The following C7 variants were observed in gnomAD, a reference collection of about 807,000 sequenced individuals.
C7 encodes the protein complement component C7.
In C7, 83 loss-of-function variants were observed where a neutral mutation model predicts 104.8. The observed-to-expected ratio is 0.79, with a 90% CI of 0.66 to 0.95. The LOEUF (loss-of-function observed/expected upper bound fraction) is 0.95. Ranked by LOEUF, C7 falls within the 40% of genes least tolerant of loss-of-function variation. The pLI is 0.00. For synonymous variants in C7, 415 were observed against 360.6 expected, an observed-to-expected ratio of 1.15 and a Z score of -1.71; for missense variants, 1,070 against 1,011.2, an observed-to-expected ratio of 1.06 and a Z score of -0.79.
rs754794455 is a variant in C7 at position 40,962,085 on chromosome 5, G to T, written c.1662G>T (p.Arg554Ser). The stretch of plus-strand genomic sequence containing the variant: ...TTAATTACATTTTTTTTCCTTCCAG[G>T]TTGCTTGAACCACATTGCTTTCCTT... ...QCEDEELEHL[R>S]LLEPHCFPLS... Residue 554 changes from arginine (R) to serine (S), a missense_variant and splice_region_variant, in exon 13 of 18, where the codon AGG becomes AGT. Physicochemically the swap from Arg to Ser is moderately radical, Grantham distance 110 (BLOSUM62 -1). Coordinates refer to ENST00000313164, the MANE Select transcript of C7 (RefSeq NM_000587.4). 6 of 1,504,694 alleles carry T rather than the reference G, an allele frequency of 4.0e-6. No homozygotes were observed. In the African/African-American group the frequency reaches 4.1e-5, roughly 10 times the overall value. The allele number at this position is 1,504,694 out of a possible 1,614,324, so 93.2% of individuals were successfully genotyped here.
chr5:40,937,639 T>G lies in C7; in HGVS notation c.516T>G (p.Asp172Glu), dbSNP rs753344161. Residue 172 changes from aspartate to glutamate, a missense_variant, in exon 6 of 18, where the codon GAT becomes GAG. Transcript: ENST00000313164. ...AATGTAGAAAGGTGTTTAGTGGGGA[T>G]GGAAAAGATTTCTACAGGCTGAGTG... is the stretch of plus-strand genomic sequence containing the variant. Reference protein sequence around the residue: ...GGQCRKVFSGDGKDFYRLSGN... With the variant: ...GGQCRKVFSGEGKDFYRLSGN... The G allele has an allele frequency of 6.2e-7, 1 of 1,610,402 alleles. No homozygotes were observed. Among genetic ancestry groups the G allele is most frequent in the Non-Finnish European group, 8.5e-7 (1 of 1,178,014 alleles).
intron 2 of C7, 104 bp downstream of exon 2, chr5:40,928,739 C>A: frequency 1.7e-6 from 1 of 602,294 alleles, no homozygotes; most frequent in Non-Finnish European, 2.9e-6. Context: ...GTGTATCCCT[C>A]CAACATATTT....
At chr5:40,951,614 G>C (rs1740172030) in intron 9 of C7, among the ~76,000 whole-genome samples, 1 of 152,164 alleles carries the variant, frequency 6.6e-6, no homozygotes, top group Non-Finnish European at 1.5e-5. Context: ...CATGAATCGA[G>C]AATAAACGTT....
At chr5:40,956,063 A>G (rs1414975463) in intron 10 of C7, among the ~76,000 whole-genome samples, 1 of 152,194 alleles carries the variant, frequency 6.6e-6, no homozygotes, top group East Asian at 1.9e-4. Context: ...AAAATCATTG[A>G]GCTATGCAAA....
At chr5:40,926,958 G>A (rs537448465) in intron 1 of C7, among the ~76,000 whole-genome samples, 2 of 152,118 alleles carry the variant, frequency 1.3e-5, no homozygotes, top group Admixed American at 1.3e-4. Context: ...TGGGCAAAAA[G>A]AACAAAGCTG....
intron 17 of C7, 127 bp downstream of exon 17, chr5:40,980,036 G>C (rs1422159594): frequency 5.2e-6 from 4 of 768,856 alleles, no homozygotes; most frequent in Non-Finnish European, 7.9e-6. Flanking sequence ...GACTCAGACT[G>C]ATTTGACATG....
intron 1 of C7, among the ~76,000 whole-genome samples, chr5:40,923,428 T>A (rs1161717781): frequency 6.6e-6 from 1 of 152,064 alleles, no homozygotes; most frequent in South Asian, 2.1e-4. Flanking sequence ...AGCAGACATG[T>A]CACATGGCAA....
At chr5:40,932,280 T>G (rs934334357) in intron 3 of C7, among the ~76,000 whole-genome samples, 2 of 152,198 alleles carry the variant, frequency 1.3e-5, no homozygotes, top group African/African-American at 4.8e-5. Flanking sequence ...TTTTTCCACT[T>G]TTTTATTGTT....
At chr5:40,915,659 G>T (rs1244714998) in intron 1 of C7, among the ~76,000 whole-genome samples, 1 of 152,120 alleles carries the variant, frequency 6.6e-6, no homozygotes, top group East Asian at 1.9e-4. Flanking sequence ...GTTGAAGTCA[G>T]AAAAGTATTC....
intron 1 of C7, among the ~76,000 whole-genome samples, chr5:40,915,442 A>T (rs1350157637): frequency 6.6e-6 from 1 of 152,198 alleles, no homozygotes; most frequent in Non-Finnish European, 1.5e-5. Flanking sequence ...TTTGAATATT[A>T]TAATAGATTG....
intron 1 of C7, among the ~76,000 whole-genome samples, chr5:40,923,494 C>CGTCA (rs1301435694): frequency 1.3e-5 from 2 of 152,102 alleles, no homozygotes; most frequent in African/African-American, 4.8e-5. Flanking sequence ...GCCTGTAATC[C>CGTCA]TGACACTTTG....
chr5:40,928,695 C>A, intron 2 of C7, 60 bp downstream of exon 2: 1 of 1,047,112 alleles, frequency 9.6e-7, no homozygotes, highest in Non-Finnish European at 1.4e-6. Context: ...TTTAGTAATT[C>A]TTTAGTCTAA....
intron 11 of C7, 66 bp downstream of exon 11, chr5:40,958,327 C>T: frequency 1.0e-6 from 1 of 955,202 alleles, no homozygotes; most frequent in East Asian, 2.6e-5. Flanking sequence ...TGTTTCTCTG[C>T]TCCTTGAGAT....
chr5:40,943,332 G>A (rs1389116369), intron 6 of C7, among the ~76,000 whole-genome samples: 1 of 152,138 alleles, frequency 6.6e-6, no homozygotes, highest in African/African-American at 2.4e-5. Flanking sequence ...AATATAGGAT[G>A]GTTGAATTTG....
At chr5:40,931,858 A>G (rs1739690937) in intron 3 of C7, among the ~76,000 whole-genome samples, 1 of 152,198 alleles carries the variant, frequency 6.6e-6, no homozygotes, top group East Asian at 1.9e-4. Flanking sequence ...TCCCGGGTTC[A>G]AGTGATTCTC....
At chr5:40,942,585 G>A (rs2111615139) in intron 6 of C7, among the ~76,000 whole-genome samples, 1 of 152,134 alleles carries the variant, frequency 6.6e-6, no homozygotes, top group South Asian at 2.1e-4. Flanking sequence ...TCGAGGAATT[G>A]AATTTTGAAA....
At chr5:40,938,780 G>C (rs999801119) in intron 6 of C7, among the ~76,000 whole-genome samples, 2 of 152,006 alleles carry the variant, frequency 1.3e-5, no homozygotes, top group Non-Finnish European at 2.9e-5. Flanking sequence ...CCCGTGAGTA[G>C]GTTTTGATCA....
At chr5:40,923,994 A>G (rs1431611922) in intron 1 of C7, among the ~76,000 whole-genome samples, 2 of 152,132 alleles carry the variant, frequency 1.3e-5, no homozygotes, top group Non-Finnish European at 2.9e-5. Flanking sequence ...TTCTCACACT[A>G]TAAAAGACAA....
At chr5:40,960,142 T>C (rs1740393491) in intron 12 of C7, among the ~76,000 whole-genome samples, 1 of 152,188 alleles carries the variant, frequency 6.6e-6, no homozygotes, top group African/African-American at 2.4e-5. Context: ...GTAAACCCAG[T>C]AGCCTGGCAC....
Sources: gnomAD v4.1 joint callset for allele counts (sites outside exome capture counted in the v4.1 genomes callset) on GRCh38, gnomAD v4.1.1 for gene constraint, MANE v1.5 for transcripts, NCBI Gene and HGNC (gene_info 2026-07-23, HGNC 2026-07-21) for gene names.